ARAP2: variants seen among roughly 807,000 people sequenced by gnomAD.
The protein encoded by ARAP2 is ArfGAP with RhoGAP domain, ankyrin repeat and PH domain 2.
ARAP2 carries 148 observed loss-of-function variants against 194.5 expected under a neutral mutation model. That is an observed-to-expected ratio of 0.76 (90% CI 0.67 to 0.87). The LOEUF (loss-of-function observed/expected upper bound fraction) is 0.87. Ranked by LOEUF, ARAP2 falls within the 40% of genes least tolerant of loss-of-function variation. ARAP2 has a pLI of 0.00. For missense variants in ARAP2, 2,128 were observed against 1,989.7 expected (o/e 1.07, Z -1.32); for synonymous variants, 695 against 683.5 (o/e 1.02, Z -0.26).
At chr4:36,187,221 C>A (rs1740770072) in intron 8 of ARAP2, among the ~76,000 whole-genome samples, 1 of 152,094 alleles carries the variant, frequency 6.6e-6, no homozygotes. Flanking sequence ...ACTTATGAGT[C>A]CTTAGCACAC....
intron 26 of ARAP2, among the ~76,000 whole-genome samples, chr4:36,112,334 T>G (rs896326491): frequency 6.6e-6 from 1 of 151,968 alleles, no homozygotes; most frequent in African/African-American, 2.4e-5. Context: ...GTATACAGTA[T>G]TATAGATTTT....
chr4:36,215,347 A>G (rs1274049372), intron 2 of ARAP2, among the ~76,000 whole-genome samples: 1 of 152,222 alleles, frequency 6.6e-6, no homozygotes, highest in African/African-American at 2.4e-5. Flanking sequence ...GAAAAAGAGT[A>G]GCCCTTTCAA....
intron 3 of ARAP2, among the ~76,000 whole-genome samples, chr4:36,051,433 C>T (rs1577665519): frequency 1.3e-5 from 2 of 152,138 alleles, no homozygotes; most frequent in South Asian, 4.2e-4. Flanking sequence ...GTTGAAATCA[C>T]ACCATTGCAC....
At chr4:36,030,478 A>G (rs182568018) in intron 5 of ARAP2, among the ~76,000 whole-genome samples, 1 of 152,126 alleles carries the variant, frequency 6.6e-6, no homozygotes, top group Non-Finnish European at 1.5e-5. Context: ...TTCCTGGAGA[A>G]TATTTTTAAC....
chr4:36,167,236 C>T (rs1024991360), intron 9 of ARAP2, among the ~76,000 whole-genome samples, 189 bp from the exon 10 acceptor site: 6 of 152,066 alleles, frequency 3.9e-5, no homozygotes, highest in South Asian at 2.1e-4. Flanking sequence ...CTATTGATAG[C>T]GTATGGGTTT....
intron 5 of ARAP2, among the ~76,000 whole-genome samples, chr4:36,042,834 C>T (rs1005368445): frequency 2.0e-4 from 18 of 90,768 alleles, no homozygotes; most frequent in Admixed American, 8.5e-4. Context: ...TAAACAAATG[C>T]GTTTTTTTCT....
At chr4:36,118,860 T>C (rs1722027115) in intron 24 of ARAP2, among the ~76,000 whole-genome samples, 1 of 151,484 alleles carries the variant, frequency 6.6e-6, no homozygotes, top group African/African-American at 2.4e-5. Flanking sequence ...CTATTTTCTT[T>C]ATATGGAATG....
intron 25 of ARAP2, among the ~76,000 whole-genome samples, chr4:36,115,891 C>T (rs945719655): frequency 1.3e-5 from 2 of 151,832 alleles, no homozygotes; most frequent in African/African-American, 4.8e-5. Flanking sequence ...CTAAACACAC[C>T]GGATAACATA....
At chr4:36,242,243 A>C (rs561956954) in intron 1 of ARAP2, among the ~76,000 whole-genome samples, 1 of 152,328 alleles carries the variant, frequency 6.6e-6, no homozygotes, top group East Asian at 1.9e-4. Flanking sequence ...TTCTCTACCT[A>C]ATTAATATTT....
chr4:36,111,674 T>C (rs745478310), intron 26 of ARAP2, among the ~76,000 whole-genome samples: 1 of 152,020 alleles, frequency 6.6e-6, no homozygotes, highest in Non-Finnish European at 1.5e-5. Flanking sequence ...ATATACTAAT[T>C]ATCACATTCA....
At chr4:36,094,361 G>A (rs985488827) in intron 27 of ARAP2, among the ~76,000 whole-genome samples, 4 of 152,004 alleles carry the variant, frequency 2.6e-5, no homozygotes, top group African/African-American at 9.7e-5. Context: ...AGACCTTATG[G>A]CTTACAAAAC....
At chr4:36,029,488 T>G (rs888244737) in intron 5 of ARAP2, among the ~76,000 whole-genome samples, 1 of 152,016 alleles carries the variant, frequency 6.6e-6, no homozygotes, top group African/African-American at 2.4e-5. Flanking sequence ...GTGGTTTCAG[T>G]CTTATTGAAT....
chr4:36,055,012 G>C (rs1295222237), intron 2 of ARAP2, among the ~76,000 whole-genome samples: 1 of 152,162 alleles, frequency 6.6e-6, no homozygotes, highest in African/African-American at 2.4e-5. Flanking sequence ...ATGACTTTAA[G>C]TGATTGCAGG....
Position 36,067,658 on chromosome 4 carries a change from C to T in ARAP2, c.*249G>A, listed in dbSNP as rs1213194114. ...TAAAAGGACTGACCACCTAAGTAACCCAATGTCTTCTTACACACGTTAATA... is the reference window on the plus strand; with the variant it reads ...TAAAAGGACTGACCACCTAAGTAACTCAATGTCTTCTTACACACGTTAATA... On this transcript the variant is annotated 3_prime_UTR_variant, in exon 33 of 33. Transcript: ENST00000303965. 5.9e-6 allele frequency: 2 copies of T among 340,106 alleles called. No homozygotes were observed. Among genetic ancestry groups the T allele is most frequent in the Non-Finnish European group, 1.1e-5 (2 of 188,612 alleles). 21.1% of individuals were successfully genotyped at this position (340,106 alleles called of 1,614,324 possible). A position where few individuals can be genotyped will look rare whatever the true frequency, so the allele number is the denominator to read the frequency against.
intron 7 of ARAP2, among the ~76,000 whole-genome samples, chr4:36,192,649 G>A (rs1742179829): frequency 6.6e-6 from 1 of 152,128 alleles, no homozygotes; most frequent in South Asian, 2.1e-4. Flanking sequence ...GCAACGAATT[G>A]TCTTAAGACT....
chr4:36,168,170 G>A (rs1482201825), intron 9 of ARAP2, among the ~76,000 whole-genome samples: 3 of 152,164 alleles, frequency 2.0e-5, no homozygotes, highest in East Asian at 1.9e-4. Flanking sequence ...GTGGCCATGT[G>A]TTGTAGTTTC....
intron 2 of ARAP2, among the ~76,000 whole-genome samples, chr4:36,056,516 T>C (rs2109263765): frequency 1.3e-5 from 2 of 152,344 alleles, no homozygotes; most frequent in South Asian, 4.1e-4. Flanking sequence ...ATATATCTTT[T>C]TCAAACTTTT....
In ARAP2 at chr4:36,210,599, T is replaced by G; in HGVS notation, c.1278A>C (p.Arg426Ser). ...STVEECFQSL[R>S]RKNSKASKSR... ...ATTTAGATGCCTTTGAATTTTTTCT[T>G]CTTAAACTCTGAAAGCATTCTTCTA... Residue 426 changes from arginine to serine, a missense_variant, in exon 6 of 33, where the codon AGA becomes AGC. Transcript: ENST00000303965. The G allele has an allele frequency of 6.2e-7, 1 of 1,613,956 alleles. No individual in the cohort carries two copies. Among genetic ancestry groups the G allele is most frequent in the South Asian group, 1.1e-5 (1 of 91,068 alleles).
intron 2 of ARAP2, among the ~76,000 whole-genome samples, chr4:36,215,172 T>C (rs1747647805): frequency 6.6e-6 from 1 of 152,212 alleles, no homozygotes; most frequent in Non-Finnish European, 1.5e-5. Flanking sequence ...AGATTTATAC[T>C]ATACAATTTC....
Sources: allele counts gnomAD v4.1 joint callset (sites outside exome capture counted in the v4.1 genomes callset), GRCh38; gene constraint gnomAD v4.1.1; transcripts MANE v1.5; gene names NCBI Gene and HGNC (gene_info 2026-07-23, HGNC 2026-07-21).